KALRN: variants seen among roughly 807,000 people sequenced by gnomAD.
KALRN encodes kalirin RhoGEF kinase.
In KALRN, 70 loss-of-function variants were observed where a neutral mutation model predicts 353.7. The observed-to-expected ratio is 0.20, with a 90% CI of 0.16 to 0.24. The LOEUF (loss-of-function observed/expected upper bound fraction) is 0.24. KALRN is among the 10% of genes least tolerant of loss of function. The probability of loss-of-function intolerance (pLI) is 1.00; values close to 1 mark genes in which losing one functional copy is unlikely to be tolerated. For missense variants in KALRN, 2,791 were observed against 3,756.7 expected, an observed-to-expected ratio of 0.74 and a Z score of 6.72; for synonymous variants, 1,391 against 1,434.8, an observed-to-expected ratio of 0.97 and a Z score of 0.69.
intron 5 of KALRN, among the ~76,000 whole-genome samples, chr3:124,273,261 AAGTATCT>A (rs1033797512): frequency 6.6e-6 from 1 of 152,136 alleles, no homozygotes; most frequent in Non-Finnish European, 1.5e-5. Context: ...TCTCCCAATT[AAGTATCT>A]AGGGAGTAGG....
intron 23 of KALRN, among the ~76,000 whole-genome samples, chr3:124,459,212 G>A (rs1264960095): frequency 6.6e-6 from 1 of 152,158 alleles, no homozygotes; most frequent in African/African-American, 2.4e-5. Context: ...TTGGTCCAGT[G>A]AGTGAATTGT....
rs539911855 is a variant in KALRN at position 124,248,888 on chromosome 3, A to G, written c.263+13945A>G. ...GCCTGGTGCCTGAGACAAGGTCTGA[A>G]CCTTGTCCTGTGATGCACTCCACCC... On this transcript the variant is annotated intron_variant, in intron 3 of 59. Coordinates refer to ENST00000682506, the MANE Select transcript of KALRN (RefSeq NM_001388419.1). Among the ~76,000 whole-genome samples, 4 of 152,336 alleles carry G rather than the reference A, an allele frequency of 2.6e-5. No homozygotes were observed. The East Asian group carries it at 7.7e-4, about 29-fold the overall frequency.
intron 1 of KALRN, among the ~76,000 whole-genome samples, chr3:124,079,728 G>C (rs1188089219): frequency 6.6e-6 from 1 of 152,174 alleles, no homozygotes; most frequent in African/African-American, 2.4e-5. Flanking sequence ...CAATGACAGA[G>C]AGCTCATGAT....
At chr3:124,521,842 C>A (rs2067189063) in intron 33 of KALRN, among the ~76,000 whole-genome samples, 1 of 152,094 alleles carries the variant, frequency 6.6e-6, no homozygotes, top group Non-Finnish European at 1.5e-5. Context: ...TCTCATCTCC[C>A]AGATTCAGCA....
chr3:124,503,936 C>T (rs912936792), intron 33 of KALRN, among the ~76,000 whole-genome samples: 26 of 152,266 alleles, frequency 1.7e-4, no homozygotes, highest in Admixed American at 1.7e-3. Flanking sequence ...GCTTAAAAAC[C>T]TCCCTCAAGA....
Position 124,649,609 on chromosome 3 carries a change from T to A in KALRN, c.5665-1199T>A, listed in dbSNP as rs1189432308. On this transcript the variant is annotated intron_variant, in intron 37 of 59. Transcript: ENST00000682506. ...GGCAATGTAATGAGACCCAGTCTCT[T>A]AAACAAACAAACAAACAAACAAACA... Among the ~76,000 whole-genome samples, 7 of 143,310 alleles carry A rather than the reference T, an allele frequency of 4.9e-5. No individual in the cohort carries two copies. In the East Asian group the frequency reaches 6.4e-4, roughly 13 times the overall value. The allele number at this position is 143,310 out of a possible 152,430, so 94.0% of individuals were successfully genotyped here.
At chr3:124,239,673 G>A (rs555677505) in intron 3 of KALRN, among the ~76,000 whole-genome samples, 26 of 152,336 alleles carry the variant, frequency 1.7e-4, no homozygotes, top group African/African-American at 5.8e-4. Flanking sequence ...CTGTCTTTGT[G>A]CAGCATTACC....
chr3:124,172,340 C>A (rs1280997195), intron 1 of KALRN, among the ~76,000 whole-genome samples: 1 of 152,068 alleles, frequency 6.6e-6, no homozygotes, highest in Non-Finnish European at 1.5e-5. Context: ...CAGGGCTTAT[C>A]CCAGTAGGAT....
At chr3:124,635,545 T>TG (rs2081269093) in intron 36 of KALRN, among the ~76,000 whole-genome samples, 1 of 152,186 alleles carries the variant, frequency 6.6e-6, no homozygotes, top group Non-Finnish European at 1.5e-5. Context: ...GATTTCTGTA[T>TG]GTTTTTTATA....
intron 8 of KALRN, among the ~76,000 whole-genome samples, chr3:124,330,916 G>A (rs1345476407): frequency 2.6e-5 from 4 of 152,194 alleles, no homozygotes; most frequent in Admixed American, 2.6e-4. Context: ...CAAGAAGTGA[G>A]ACCTGGAACC....
chr3:124,574,405 G>C (rs141960338), intron 34 of KALRN, among the ~76,000 whole-genome samples: 2 of 152,352 alleles, frequency 1.3e-5, no homozygotes, highest in African/African-American at 4.8e-5. Flanking sequence ...TCAACAGCAT[G>C]TTTTCATGCC....
At chr3:124,445,514 A>T (rs2093807867) in intron 19 of KALRN, among the ~76,000 whole-genome samples, 1 of 152,218 alleles carries the variant, frequency 6.6e-6, no homozygotes, top group Admixed American at 6.5e-5. Flanking sequence ...CACTCATTTA[A>T]CACCACTTTT....
intron 1 of KALRN, among the ~76,000 whole-genome samples, chr3:124,088,732 G>A (rs2060952167): frequency 1.3e-5 from 2 of 152,238 alleles, no homozygotes; most frequent in South Asian, 2.1e-4. Flanking sequence ...CCAGTACCTC[G>A]AAGGCTTGCA....
At chr3:124,681,795 A>G (rs1209363787) in intron 51 of KALRN, among the ~76,000 whole-genome samples, 1 of 151,870 alleles carries the variant, frequency 6.6e-6, no homozygotes, top group Non-Finnish European at 1.5e-5. Context: ...ATGCCTGGCT[A>G]ATTTTTGTAT....
intron 33 of KALRN, among the ~76,000 whole-genome samples, chr3:124,522,108 C>A (rs1015581597): frequency 2.0e-5 from 3 of 151,766 alleles, no homozygotes; most frequent in Non-Finnish European, 4.4e-5. Flanking sequence ...AGGAAAAAGA[C>A]CTTCCTGAGA....
At position 124,723,337 on chromosome 3, in the gene KALRN, G is replaced by A. The variant is rs2063382038; in HGVS notation, c.*3867G>A. ...TTGAGTTTCAATCTCAGCTATTCCT[G>A]ATTCATCTTTTCTTACAGAAAGTCT... On this transcript the variant is annotated 3_prime_UTR_variant, in exon 60 of 60. Coordinates refer to ENST00000682506, the MANE Select transcript of KALRN (RefSeq NM_001388419.1). The A allele has an allele frequency of 6.6e-6, 1 of 152,154 alleles. No individual in the cohort carries two copies. The highest frequency in any genetic ancestry group is 1.5e-5 in the Non-Finnish European group (1 of 68,014). The allele number at this position is 152,154 out of a possible 1,614,324, so 9.4% of individuals were successfully genotyped here. A position where few individuals can be genotyped will look rare whatever the true frequency, so the allele number is the denominator to read the frequency against.
intron 3 of KALRN, among the ~76,000 whole-genome samples, chr3:124,250,107 A>C (rs1342130133): frequency 6.6e-6 from 1 of 151,542 alleles, no homozygotes; most frequent in East Asian, 1.9e-4. Context: ...GTTGGTGGGG[A>C]TGGTTGTGCA....
intron 1 of KALRN, among the ~76,000 whole-genome samples, chr3:124,172,390 C>T (rs553754410): frequency 6.6e-6 from 1 of 152,216 alleles, no homozygotes; most frequent in East Asian, 1.9e-4. Flanking sequence ...TTAAGAAAAC[C>T]AGCCAGAAAG....
chr3:124,094,842 C>T (rs1242888757), intron 1 of KALRN: 1 of 1,613,958 alleles, frequency 6.2e-7, no homozygotes, highest in African/African-American at 1.3e-5. Flanking sequence ...GGTGGGATGA[C>T]GGACCGCTTC....
Sources: gnomAD v4.1 joint callset for allele counts (sites outside exome capture counted in the v4.1 genomes callset) on GRCh38, gnomAD v4.1.1 for gene constraint, MANE v1.5 for transcripts, NCBI Gene and HGNC (gene_info 2026-07-23, HGNC 2026-07-21) for gene names.